CENPS: variants seen among roughly 807,000 people sequenced by gnomAD.
The protein encoded by CENPS is centromere protein S.
CENPS carries 16 observed loss-of-function variants against 17.9 expected under a neutral mutation model. That is an observed-to-expected ratio of 0.90 (90% CI 0.61 to 1.36). The LOEUF (loss-of-function observed/expected upper bound fraction) is 1.36, where lower values mean the gene tolerates loss of function less well. Ranked by LOEUF, CENPS falls within the 40% of genes most tolerant of loss-of-function variation. CENPS has a pLI of 0.00. For missense variants in CENPS, 160 were observed against 158.6 expected (o/e 1.01, Z -0.05); for synonymous variants, 49 against 55.8 (o/e 0.88, Z 0.54).
chr1:10,440,167 A>T, intron 3 of CENPS, 180 bp from the exon 4 acceptor site: 2 of 741,456 alleles, frequency 2.7e-6, no homozygotes, highest in Non-Finnish European at 4.2e-6. Context: ...CTCTTTACTT[A>T]ATTGGGGTCT....
At chr1:10,433,237 A>G (rs1443848148) in intron 1 of CENPS, among the ~76,000 whole-genome samples, 1 of 151,996 alleles carries the variant, frequency 6.6e-6, no homozygotes, top group African/African-American at 2.4e-5. Context: ...GGGTGGAGAG[A>G]TCTTTTTCAG....
chr1:10,434,005 C>T, intron 2 of CENPS, 40 bp downstream of exon 2: 1 of 1,612,400 alleles, frequency 6.2e-7, no homozygotes. Context: ...CTGTAAACCC[C>T]AAAGGTTGAT....
intron 3 of CENPS, among the ~76,000 whole-genome samples, chr1:10,439,480 G>A (rs550755589): frequency 2.6e-5 from 4 of 152,238 alleles, no homozygotes; most frequent in Non-Finnish European, 5.9e-5. Flanking sequence ...GGGCTTGGTG[G>A]CTCACGCCTG....
At chr1:10,433,807 C>A (rs201927735) in intron 1 of CENPS, 35 bp from the exon 2 acceptor site, 31 of 1,613,224 alleles carry the variant, frequency 1.9e-5, no homozygotes, top group Admixed American at 5.0e-5. Flanking sequence ...TTATTTGCAG[C>A]CTTACCCGTG....
chr1:10,434,061 C>T, intron 2 of CENPS, 96 bp downstream of exon 2: 1 of 1,565,864 alleles, frequency 6.4e-7, no homozygotes, highest in Non-Finnish European at 8.7e-7. Flanking sequence ...CGAGTCTGAC[C>T]AGCAGACCAA....
At chr1:10,435,007 G>A (rs1390791605) in intron 3 of CENPS, among the ~76,000 whole-genome samples, 3 of 152,202 alleles carry the variant, frequency 2.0e-5, no homozygotes, top group African/African-American at 4.8e-5. Context: ...ATGTCTTCGG[G>A]TGGTTTGATT....
Position 10,430,575 on chromosome 1 carries a change from G to A in CENPS, c.51+7G>A. On this transcript the variant is annotated splice_region_variant and intron_variant, in intron 1 of 4. Coordinates refer to ENST00000309048, the MANE Select transcript of CENPS (RefSeq NM_199294.3). ...GCGATTCTCTTACCAACAGGTACAG[G>A]AAAACGGGGGTCGGGCTGGGCTGGG... 6.5e-7 allele frequency: 1 copy of A among 1,531,346 alleles called. No homozygotes were observed. Among genetic ancestry groups the A allele is most frequent in the Non-Finnish European group, 8.8e-7 (1 of 1,139,326 alleles). The allele number at this position is 1,531,346 out of a possible 1,614,324, so 94.9% of individuals were successfully genotyped here. A position where few individuals can be genotyped will look rare whatever the true frequency, so the allele number is the denominator to read the frequency against.
At chr1:10,438,168 G>A (rs1475089113) in intron 3 of CENPS, among the ~76,000 whole-genome samples, 2 of 151,250 alleles carry the variant, frequency 1.3e-5, no homozygotes, top group Non-Finnish European at 3.0e-5. Context: ...TTTTTGAGAC[G>A]GAGTCTCACT....
At chr1:10,432,377 G>C (rs926107887) in intron 1 of CENPS, among the ~76,000 whole-genome samples, 9 of 152,168 alleles carry the variant, frequency 5.9e-5, no homozygotes, top group Non-Finnish European at 1.0e-4. Context: ...GAACCACTGT[G>C]CCCGGCCTGT....
intron 3 of CENPS, among the ~76,000 whole-genome samples, chr1:10,435,414 G>C (rs761545648): frequency 6.6e-6 from 1 of 151,812 alleles, no homozygotes; most frequent in Non-Finnish European, 1.5e-5. Flanking sequence ...TTTGTTTCTC[G>C]GGTGCGTGTT....
intron 4 of CENPS, among the ~76,000 whole-genome samples, chr1:10,441,770 C>T (rs976595020): frequency 6.6e-6 from 1 of 151,608 alleles, no homozygotes; most frequent in Non-Finnish European, 1.5e-5. Flanking sequence ...GGCCTACAGG[C>T]ACCCACCACC....
At chr1:10,442,191 A>T (rs1017179801) in intron 4 of CENPS, 74 bp from the exon 5 acceptor site, 3 of 1,514,880 alleles carry the variant, frequency 2.0e-6, no homozygotes, top group Non-Finnish European at 2.6e-6. Flanking sequence ...TGGAGGGTTT[A>T]GTTTCGTTTG....
In CENPS at chr1:10,440,337, C is replaced by G. The variant is rs990455188; in HGVS notation, c.210-10C>G. 3 of 1,612,264 alleles carry G rather than the reference C, an allele frequency of 1.9e-6. No homozygotes were observed. Among genetic ancestry groups the G allele is most frequent in the African/African-American group, 1.3e-5 (1 of 74,854 alleles). The stretch of plus-strand genomic sequence containing the variant: ...AACATTTTGGTGACTTGCTTCTGCC[C>G]TTTCTGCAGACATGCGAAAAGAACC... On this transcript the variant is annotated splice_polypyrimidine_tract_variant and intron_variant, in intron 3 of 4. Transcript: ENST00000309048.
At chr1:10,434,350 C>T (rs558339858) in intron 2 of CENPS, among the ~76,000 whole-genome samples, 19 of 152,242 alleles carry the variant, frequency 1.2e-4, no homozygotes, top group African/African-American at 4.6e-4. Flanking sequence ...TGAAAGACCT[C>T]ACAAGCCTTA....
chr1:10,442,153 C>T lies in CENPS; in HGVS notation c.277-112C>T, dbSNP rs1640444104. The T allele has an allele frequency of 2.2e-6, 3 of 1,351,946 alleles. No individual in the cohort carries two copies. In the East Asian group the frequency reaches 8.4e-5, roughly 38 times the overall value. 83.7% of individuals were successfully genotyped at this position (1,351,946 alleles called of 1,614,324 possible). A position where few individuals can be genotyped will look rare whatever the true frequency, so the allele number is the denominator to read the frequency against. ...TGTAACCCAGGCTTTGGCTTTTCTA[C>T]CCAAATTCTTTGAGTCAGAGGTGGT... On this transcript the variant is annotated intron_variant, in intron 4 of 4. Coordinates refer to ENST00000309048, the MANE Select transcript of CENPS (RefSeq NM_199294.3).
intron 4 of CENPS, among the ~76,000 whole-genome samples, chr1:10,441,777 C>T (rs922444998): frequency 3.3e-5 from 5 of 151,798 alleles, no homozygotes; most frequent in Non-Finnish European, 5.9e-5. Flanking sequence ...AGGCACCCAC[C>T]ACCACACCTG....
intron 4 of CENPS, among the ~76,000 whole-genome samples, chr1:10,440,911 C>T (rs1270179659): frequency 2.6e-5 from 4 of 152,292 alleles, no homozygotes; most frequent in African/African-American, 9.6e-5. Flanking sequence ...TGGCTTTGGC[C>T]AGTAGCAGAG....
chr1:10,435,623 C>G (rs76745872), intron 3 of CENPS, among the ~76,000 whole-genome samples: 1 of 150,970 alleles, frequency 6.6e-6, no homozygotes, highest in Non-Finnish European at 1.5e-5. Context: ...CCCTCCTCCC[C>G]GGTGAAAGAT....
intron 3 of CENPS, among the ~76,000 whole-genome samples, chr1:10,437,916 C>G (rs552226508): frequency 6.6e-6 from 1 of 151,450 alleles, no homozygotes; most frequent in East Asian, 2.0e-4. Flanking sequence ...GCAAATGCCA[C>G]CACACCCACT....
Sources: allele counts gnomAD v4.1 joint callset (sites outside exome capture counted in the v4.1 genomes callset), GRCh38; gene constraint gnomAD v4.1.1; transcripts MANE v1.5; gene names NCBI Gene and HGNC (gene_info 2026-07-23, HGNC 2026-07-21).